The following CFAP206 variants were observed in gnomAD, a reference collection of about 807,000 sequenced individuals.
The protein encoded by CFAP206 is cilia and flagella associated protein 206.
A neutral mutation model predicts 65.4 loss-of-function variants in CFAP206; 53 were observed. The observed-to-expected ratio is 0.81, with a 90% CI of 0.65 to 1.02. CFAP206 has a LOEUF of 1.02. Ranked by LOEUF, CFAP206 falls within the 50% of genes least tolerant of loss-of-function variation. The pLI is 0.00. For missense variants in CFAP206, 663 were observed against 753.2 expected, an observed-to-expected ratio of 0.88 and a Z score of 1.40; for synonymous variants, 250 against 254.4, an observed-to-expected ratio of 0.98 and a Z score of 0.17.
intron 7 of CFAP206, among the ~76,000 whole-genome samples, chr6:87,420,151 CT>C: frequency 1.3e-5 from 2 of 152,214 alleles, no homozygotes; most frequent in Middle Eastern, 6.8e-3. Flanking sequence ...TTTACATTAC[CT>C]TGTGGCTATC....
intron 8 of CFAP206, 78 bp downstream of exon 8, chr6:87,426,723 AATTAT>A (rs1488295545): frequency 9.7e-7 from 1 of 1,026,380 alleles, no homozygotes; most frequent in African/African-American, 1.7e-5. Flanking sequence ...AAGTCATTAT[AATTAT>A]ATTTAATTTC....
intron 11 of CFAP206, among the ~76,000 whole-genome samples, chr6:87,452,248 CA>C (rs1457065968): frequency 2.0e-5 from 3 of 152,268 alleles, no homozygotes; most frequent in African/African-American, 7.2e-5. Context: ...GCAACGGTCA[CA>C]GTGTTACTGG....
chr6:87,423,290 C>T lies in CFAP206; in HGVS notation c.841-3236C>T, dbSNP rs530311390. On this transcript the variant is annotated intron_variant, in intron 7 of 12. Transcript: ENST00000369562. ...TTGAGACGGAGTCTCGCTCTGTCGC[C>T]CAGGCTGGGGTGCAGTGGCGTGATC... 2.0e-5 allele frequency among the ~76,000 whole-genome samples: 3 copies of T among 150,984 alleles called. No homozygotes were observed. The East Asian group carries it at 5.9e-4, about 30-fold the overall frequency.
At chr6:87,428,497 G>C (rs1481435939) in intron 8 of CFAP206, 129 bp from the exon 9 acceptor site, 5 of 780,670 alleles carry the variant, frequency 6.4e-6, no homozygotes, top group Non-Finnish European at 1.1e-5. Flanking sequence ...TACTGTCTAA[G>C]TTCGTAAGAC....
Position 87,447,482 on chromosome 6 carries a change from C to T in CFAP206, c.1494+12429C>T, listed in dbSNP as rs1243361831. ...TGTTTATGTGATGAATTACGTTTAT[C>T]GATTTGCATATACTGAACCAGCCTT... On this transcript the variant is annotated intron_variant, in intron 11 of 12. Transcript: ENST00000369562. 3.3e-5 allele frequency among the ~76,000 whole-genome samples: 5 copies of T among 152,196 alleles called. No homozygotes were observed. The East Asian group carries it at 5.8e-4, about 18-fold the overall frequency.
In CFAP206 at chr6:87,426,631, A is replaced by G. The variant is rs760056642; in HGVS notation, c.946A>G (p.Thr316Ala). ...MTIKSKIAVPTSQVFPIFIAL... is the reference protein window; with the variant it reads ...MTIKSKIAVPASQVFPIFIAL... Reference sequence around the variant, plus strand: ...CATAAAATCAAAGATAGCGGTCCCAACATCACAAGTCTTTGTAAGTATTTG... The same window carrying G: ...CATAAAATCAAAGATAGCGGTCCCAGCATCACAAGTCTTTGTAAGTATTTG... The change falls in exon 8 of 13, where the codon ACA becomes GCA. Residue 316 changes from threonine (T) to alanine (A), a missense_variant. Thr to Ala is a moderately conservative substitution (Grantham distance 58). Transcript: ENST00000369562. 5 of 1,587,556 alleles carry G rather than the reference A, an allele frequency of 3.1e-6. No homozygotes were observed. Among genetic ancestry groups the G allele is most frequent in the East Asian group, 2.3e-5 (1 of 43,838 alleles).
At chr6:87,435,121 T>C in intron 11 of CFAP206, 68 bp downstream of exon 11, 1 of 1,186,616 alleles carries the variant, frequency 8.4e-7, no homozygotes, top group East Asian at 2.5e-5. Flanking sequence ...AGTTGTATTT[T>C]GTTGTAGAAT....
At chr6:87,417,408 A>T (rs1260594500) in intron 6 of CFAP206, among the ~76,000 whole-genome samples, 1 of 152,192 alleles carries the variant, frequency 6.6e-6, no homozygotes, top group African/African-American at 2.4e-5. Context: ...TCTTTCACCA[A>T]ATCACTAATC....
At chr6:87,435,676 T>G (rs1465448743) in intron 11 of CFAP206, 2 of 152,372 alleles carry the variant, frequency 1.3e-5, no homozygotes, top group Non-Finnish European at 2.9e-5. Context: ...TTGTTCTTTT[T>G]AGAGGCAAGG....
intron 11 of CFAP206, among the ~76,000 whole-genome samples, chr6:87,449,264 G>A (rs763658730): frequency 2.0e-5 from 3 of 151,668 alleles, no homozygotes; most frequent in South Asian, 2.1e-4. Flanking sequence ...GTGAAACCCC[G>A]TCTCTACTAA....
In CFAP206 at chr6:87,434,857, C is replaced by T. The variant is rs1402564696; in HGVS notation, c.1301-3C>T. ...TCATATCTAATTCTTTTTTTATTTTCAGGAAATCCAGCAATTGGAATTTTA... is the reference window on the plus strand; with the variant it reads ...TCATATCTAATTCTTTTTTTATTTTTAGGAAATCCAGCAATTGGAATTTTA... On this transcript the variant is annotated splice_region_variant and splice_polypyrimidine_tract_variant and intron_variant, in intron 10 of 12. Coordinates refer to ENST00000369562, the MANE Select transcript of CFAP206 (RefSeq NM_001031743.3). 2 of 1,300,006 alleles carry T rather than the reference C, an allele frequency of 1.5e-6. No individual in the cohort carries two copies. The highest frequency in any genetic ancestry group is 1.1e-6 in the Non-Finnish European group (1 of 935,802). 80.5% of individuals were successfully genotyped at this position (1,300,006 alleles called of 1,614,324 possible).
intron 11 of CFAP206, chr6:87,436,152 C>T (rs999965392): frequency 1.4e-5 from 2 of 141,166 alleles, no homozygotes; most frequent in South Asian, 4.5e-4. Context: ...GTGGTGTGAT[C>T]TCAGCTCACT....
Position 87,418,334 on chromosome 6 carries a change from T to G in CFAP206, c.758T>G (p.Met253Arg), listed in dbSNP as rs200437305. ...GAGAAGGCAGCCAACGACCCACTCA[T>G]GAGGGCTGAACTTCAGCCATATATG... ...ILEKAANDPL[M>R]RAELQPYMLK... Residue 253 changes from methionine to arginine, a missense_variant, in exon 7 of 13, where the codon ATG becomes AGG. Physicochemically the swap from Met to Arg is moderately conservative, Grantham distance 91 (BLOSUM62 -1). Transcript: ENST00000369562. The G allele has an allele frequency of 1.2e-5, 19 of 1,614,004 alleles. No homozygotes were observed. The highest frequency in any genetic ancestry group is 1.4e-5 in the Non-Finnish European group (17 of 1,180,020).
chr6:87,450,308 G>A (rs973036839), intron 11 of CFAP206, among the ~76,000 whole-genome samples: 17 of 152,018 alleles, frequency 1.1e-4, no homozygotes, highest in South Asian at 8.3e-4. Context: ...GCTCTTTTGC[G>A]GTTCCATATG....
chr6:87,462,626 G>T (rs945219108), intron 12 of CFAP206, among the ~76,000 whole-genome samples: 4 of 152,158 alleles, frequency 2.6e-5, no homozygotes, highest in African/African-American at 9.7e-5. Flanking sequence ...TTGCTTTTGA[G>T]ATACAAATAG....
At chr6:87,417,938 C>T (rs1257096720) in intron 6 of CFAP206, among the ~76,000 whole-genome samples, 1 of 151,802 alleles carries the variant, frequency 6.6e-6, no homozygotes, top group Non-Finnish European at 1.5e-5. Flanking sequence ...CGGGGTTTCA[C>T]CATGTTGGCC....
intron 8 of CFAP206, 110 bp from the exon 9 acceptor site, chr6:87,428,516 A>G: frequency 3.1e-6 from 3 of 972,928 alleles, no homozygotes; most frequent in Non-Finnish European, 4.8e-6. Flanking sequence ...ACTTTTGCTT[A>G]GGGAGAATTA....
intron 11 of CFAP206, among the ~76,000 whole-genome samples, chr6:87,449,436 CAAAAAA>C (rs34540279): frequency 1.9e-5 from 1 of 53,060 alleles, no homozygotes; most frequent in African/African-American, 6.4e-5. Flanking sequence ...GACTCCATCT[CAAAAAA>C]AAAAAAAAAA....
Position 87,428,751 on chromosome 6 carries a change from T to C in CFAP206, c.1086T>C (p.Pro362=), listed in dbSNP as rs1562246796. The change falls in exon 9 of 13, where the codon CCT becomes CCC. Residue 362 remains proline, a synonymous_variant. Coordinates refer to ENST00000369562, the MANE Select transcript of CFAP206 (RefSeq NM_001031743.3). ...PFLGAHELYF[P]ERVMQCHLNG... Reference sequence around the variant, plus strand: ...TGGGTGCTCACGAACTATACTTTCCTGAGAGAGTGATGCAATGTCATCTTA... The same window carrying C: ...TGGGTGCTCACGAACTATACTTTCCCGAGAGAGTGATGCAATGTCATCTTA... 5 of 1,614,150 alleles carry C rather than the reference T, an allele frequency of 3.1e-6. No homozygotes were observed. The highest frequency in any genetic ancestry group is 1.3e-5 in the African/African-American group (1 of 75,050).
Sources: gnomAD v4.1 joint callset for allele counts (sites outside exome capture counted in the v4.1 genomes callset) on GRCh38, gnomAD v4.1.1 for gene constraint, MANE v1.5 for transcripts, NCBI Gene and HGNC (gene_info 2026-07-23, HGNC 2026-07-21) for gene names.